EIF4G3: variants seen among roughly 807,000 people sequenced by gnomAD.
EIF4G3 encodes the protein eukaryotic translation initiation factor 4 gamma 3.
EIF4G3 carries 34 observed loss-of-function variants against 186.4 expected under a neutral mutation model. That is an observed-to-expected ratio of 0.18 (90% CI 0.14 to 0.24). The LOEUF (loss-of-function observed/expected upper bound fraction) is 0.24. Among genes scored for constraint, EIF4G3 ranks in the 10% least tolerant of loss-of-function variants. The pLI is 1.00. For missense variants in EIF4G3, 1,536 were observed against 1,948.5 expected, an observed-to-expected ratio of 0.79 and a Z score of 3.99; for synonymous variants, 673 against 679.5, an observed-to-expected ratio of 0.99 and a Z score of 0.15.
chr1:20,839,003 G>C (rs889582490), intron 30 of EIF4G3, among the ~76,000 whole-genome samples: 1 of 152,018 alleles, frequency 6.6e-6, no homozygotes, highest in African/African-American at 2.4e-5. Flanking sequence ...TTTTGAGAGG[G>C]AGTCTTGCTC....
intron 2 of EIF4G3, among the ~76,000 whole-genome samples, chr1:21,135,949 C>A (rs1288680931): frequency 2.0e-5 from 3 of 151,282 alleles, no homozygotes; most frequent in East Asian, 2.0e-4. Flanking sequence ...TTTGGGAGGC[C>A]GAGGCGGGTG....
In EIF4G3 at chr1:20,978,235, A is replaced by G. The variant is rs528382112; in HGVS notation, c.493+2099T>C. On this transcript the variant is annotated intron_variant, in intron 10 of 36. Transcript: ENST00000602326. Reference sequence around the variant, plus strand: ...GGTGACAAAGGTAAGTCCAAGGATTACACAAGGAATACTTCAACAGCACTT... The same window carrying G: ...GGTGACAAAGGTAAGTCCAAGGATTGCACAAGGAATACTTCAACAGCACTT... 4.9e-4 allele frequency among the ~76,000 whole-genome samples: 74 copies of G among 152,316 alleles called. No homozygotes were observed. The South Asian group carries it at 0.013, about 26-fold the overall frequency.
intron 3 of EIF4G3, among the ~76,000 whole-genome samples, chr1:21,083,596 T>A (rs754025504): frequency 8.6e-5 from 13 of 152,018 alleles, no homozygotes; most frequent in Non-Finnish European, 1.3e-4. Flanking sequence ...AGTGCTGGGA[T>A]TACACGTTTG....
At chr1:20,904,843 G>T in intron 15 of EIF4G3, 40 bp downstream of exon 15, 2 of 1,490,906 alleles carry the variant, frequency 1.3e-6, no homozygotes, top group South Asian at 1.1e-5. Flanking sequence ...CTATGAAATG[G>T]CACCACTGCT....
chr1:20,943,968 TTTTTTTTG>T (rs1426418219), intron 13 of EIF4G3, among the ~76,000 whole-genome samples: 12 of 11,946 alleles, frequency 1.0e-3, no homozygotes, highest in African/African-American at 2.1e-3. Flanking sequence ...CTTGTCTTTA[TTTTTTTTG>T]TGTGTGTGTG....
rs1298553312 is a variant in EIF4G3, at chr1:20,807,401, T to C, written c.4844A>G (p.Asn1615Ser). Residue 1615 changes from asparagine to serine, a missense_variant, in exon 37 of 37, where the codon AAT (asparagine) becomes AGT (serine). Transcript: ENST00000602326. ...AGATTTCAGAGCCACGCCCTTCCCA[T>C]TCTGCTCTGCAGGGTCCTTGCTGCT... ...WESSKDPAEQNGKGVALKSVT... is the reference protein window; with the variant it reads ...WESSKDPAEQSGKGVALKSVT... The C allele has an allele frequency of 1.2e-6, 2 of 1,613,022 alleles. No individual in the cohort carries two copies. Among genetic ancestry groups the C allele is most frequent in the African/African-American group, 1.3e-5 (1 of 74,930 alleles).
chr1:20,999,435 T>C (rs2083007922), intron 6 of EIF4G3: 1 of 313,874 alleles, frequency 3.2e-6, no homozygotes, highest in South Asian at 2.7e-5. Context: ...TATGACACTT[T>C]TGAAGAAAAT....
At chr1:21,082,713 G>A (rs1026516897) in intron 3 of EIF4G3, among the ~76,000 whole-genome samples, 2 of 152,078 alleles carry the variant, frequency 1.3e-5, no homozygotes, top group African/African-American at 4.8e-5. Context: ...ACCAGCCTGG[G>A]CAACATAGCA....
chr1:20,846,125 G>A (rs1043088521), intron 29 of EIF4G3, among the ~76,000 whole-genome samples: 2 of 152,102 alleles, frequency 1.3e-5, no homozygotes, highest in Non-Finnish European at 2.9e-5. Context: ...AGTGATTTTT[G>A]CACTTTGATT....
intron 2 of EIF4G3, among the ~76,000 whole-genome samples, chr1:21,125,754 A>AT (rs1202411399): frequency 5.3e-5 from 7 of 131,850 alleles, no homozygotes; most frequent in Admixed American, 1.5e-4. Context: ...AATATATATA[A>AT]TTTTTTTATA....
At chr1:21,144,172 T>C (rs1382959262) in intron 2 of EIF4G3, among the ~76,000 whole-genome samples, 1 of 152,208 alleles carries the variant, frequency 6.6e-6, no homozygotes, top group Non-Finnish European at 1.5e-5. Context: ...AAAAATTAAT[T>C]CCAAGTATCT....
chr1:20,981,250 ATTTTT>A, intron 8 of EIF4G3, 23 bp from the exon 9 acceptor site: 3 of 1,226,680 alleles, frequency 2.4e-6, no homozygotes, highest in Non-Finnish European at 2.2e-6. Context: ...GAAAAAAAAA[ATTTTT>A]TTTTTTTTTT....
chr1:20,910,701 C>T (rs1412368873), intron 14 of EIF4G3, among the ~76,000 whole-genome samples: 2 of 152,188 alleles, frequency 1.3e-5, no homozygotes, highest in Non-Finnish European at 2.9e-5. Context: ...AGGCAAATCA[C>T]AGCACAGATT....
At chr1:20,983,785 T>G (rs1217226750) in intron 7 of EIF4G3, among the ~76,000 whole-genome samples, 3 of 152,146 alleles carry the variant, frequency 2.0e-5, no homozygotes, top group African/African-American at 7.2e-5. Context: ...AACACTATCA[T>G]CAAATAATGT....
At chr1:21,003,668 C>A in intron 4 of EIF4G3, 1 of 362,564 alleles carries the variant, frequency 2.8e-6, no homozygotes, top group South Asian at 2.4e-5. Flanking sequence ...GATTATTCTG[C>A]CATTTTTTTT....
chr1:20,984,187 G>A (rs948313525), intron 7 of EIF4G3, among the ~76,000 whole-genome samples: 1 of 152,028 alleles, frequency 6.6e-6, no homozygotes, highest in African/African-American at 2.4e-5. Context: ...GTCGGGGGGA[G>A]ATGGAGTCTT....
chr1:21,088,575 C>T (rs1466137107), intron 3 of EIF4G3, among the ~76,000 whole-genome samples: 1 of 151,814 alleles, frequency 6.6e-6, no homozygotes, highest in Non-Finnish European at 1.5e-5. Flanking sequence ...GAAAATAAAA[C>T]TCAAGAGTCC....
rs191837120 is a variant in EIF4G3 at position 20,827,912 on chromosome 1, T to G, written c.4188-214A>C. On this transcript the variant is annotated intron_variant, in intron 31 of 36. Coordinates refer to ENST00000602326, the MANE Select transcript of EIF4G3 (RefSeq NM_001391906.1). The stretch of plus-strand genomic sequence containing the variant: ...GTTTTTACCTTTTTCTTTAACCACT[T>G]CAGTGACAGAAGCAACACAAAGATC... 7.4e-4 allele frequency among the ~76,000 whole-genome samples: 112 copies of G among 152,264 alleles called. No individual in the cohort carries two copies. Among genetic ancestry groups the G allele is most frequent in the African/African-American group, 2.4e-3 (98 of 41,542 alleles).
intron 2 of EIF4G3, among the ~76,000 whole-genome samples, chr1:21,116,103 C>A (rs2096817083): frequency 6.6e-6 from 1 of 151,992 alleles, no homozygotes; most frequent in African/African-American, 2.4e-5. Flanking sequence ...TAAGAGCAAT[C>A]GTCTAATAAT....
Sources: allele counts gnomAD v4.1 joint callset (sites outside exome capture counted in the v4.1 genomes callset), GRCh38; gene constraint gnomAD v4.1.1; transcripts MANE v1.5; gene names NCBI Gene and HGNC (gene_info 2026-07-23, HGNC 2026-07-21).